The following SPINT2 variants were observed in gnomAD, a reference collection of about 807,000 sequenced individuals.
SPINT2 encodes the protein serine peptidase inhibitor, Kunitz type 2.
SPINT2 carries 18 observed loss-of-function variants against 30.1 expected under a neutral mutation model. That is an observed-to-expected ratio of 0.60 (90% CI 0.41 to 0.89). SPINT2 has a LOEUF of 0.89. Ranked by LOEUF, SPINT2 falls within the 40% of genes least tolerant of loss-of-function variation. The probability of loss-of-function intolerance (pLI) is 0.00; values close to 1 mark genes in which losing one functional copy is unlikely to be tolerated. For missense variants in SPINT2, 276 were observed against 334.3 expected (o/e 0.83, Z 1.36); for synonymous variants, 139 against 137.9 (o/e 1.01, Z -0.05).
At position 38,292,072 on chromosome 19, in the gene SPINT2, G is replaced by A; in HGVS notation, c.*66G>A. The A allele has an allele frequency of 6.3e-7, 1 of 1,583,702 alleles. No individual in the cohort carries two copies. Among genetic ancestry groups the A allele is most frequent in the Non-Finnish European group, 8.6e-7 (1 of 1,164,546 alleles). ...TATGTGTGAGCTTTTTTTAAATAGA[G>A]GGATTGACTCGGATTTGAGTGATCA... On this transcript the variant is annotated 3_prime_UTR_variant, in exon 7 of 7. Coordinates refer to ENST00000301244, the MANE Select transcript of SPINT2 (RefSeq NM_021102.4).
In SPINT2 at chr19:38,289,265, G is replaced by T. The variant is rs1968681608; in HGVS notation, c.391+74G>T. 3.8e-6 allele frequency: 5 copies of T among 1,302,038 alleles called. No individual in the cohort carries two copies. In the Admixed American group the frequency reaches 8.4e-5, roughly 22 times the overall value. The allele number at this position is 1,302,038 out of a possible 1,614,324, so 80.7% of individuals were successfully genotyped here. A position where few individuals can be genotyped will look rare whatever the true frequency, so the allele number is the denominator to read the frequency against. On this transcript the variant is annotated intron_variant, in intron 4 of 6. Coordinates refer to ENST00000301244, the MANE Select transcript of SPINT2 (RefSeq NM_021102.4). ...GCGCTTTGGGAGGCTGAGGTGGGCG[G>T]ATCACGAGGTCAGGATATCAAGACC...
rs528093571 is a variant in SPINT2 at position 38,288,242 on chromosome 19, G to C, written c.337+307G>C. Among the ~76,000 whole-genome samples, 30 of 152,148 alleles carry C rather than the reference G, an allele frequency of 2.0e-4. No individual in the cohort carries two copies. The South Asian group carries it at 6.2e-3, about 32-fold the overall frequency. ...AGGCTCAGGCCCCTCCTTGCTGTGCGGGCCTCCAGCTGCTCTGCTGACCCC... is the reference window on the plus strand; with the variant it reads ...AGGCTCAGGCCCCTCCTTGCTGTGCCGGCCTCCAGCTGCTCTGCTGACCCC... On this transcript the variant is annotated intron_variant, in intron 3 of 6. Coordinates refer to ENST00000301244, the MANE Select transcript of SPINT2 (RefSeq NM_021102.4).
intron 1 of SPINT2, among the ~76,000 whole-genome samples, chr19:38,282,011 A>G (rs2146273829): frequency 6.6e-6 from 1 of 152,270 alleles, no homozygotes; most frequent in East Asian, 1.9e-4. Context: ...TTTTCAAATG[A>G]TAGGGAATTT....
rs182160589 is a variant in SPINT2, at chr19:38,278,902, G to A, written c.107-4725G>A. Among the ~76,000 whole-genome samples the A allele has an allele frequency of 6.6e-5, 10 of 152,274 alleles. No homozygotes were observed. In the East Asian group the frequency reaches 1.9e-3, roughly 29 times the overall value. On this transcript the variant is annotated intron_variant, in intron 1 of 6. Coordinates refer to ENST00000301244, the MANE Select transcript of SPINT2 (RefSeq NM_021102.4). ...TACTATATGGCCTGTGTTTCCTGAAGGAACACTGCCTCCATTAAAACAAAT... is the reference window on the plus strand; with the variant it reads ...TACTATATGGCCTGTGTTTCCTGAAAGAACACTGCCTCCATTAAAACAAAT...
intron 1 of SPINT2, among the ~76,000 whole-genome samples, chr19:38,282,206 C>A (rs1968588587): frequency 1.3e-5 from 2 of 152,200 alleles, no homozygotes; most frequent in Admixed American, 6.5e-5. Context: ...TGGGGAGACA[C>A]AACAGAAGAT....
chr19:38,283,508 G>A, intron 1 of SPINT2, 119 bp from the exon 2 acceptor site: 3 of 1,295,596 alleles, frequency 2.3e-6, no homozygotes, highest in South Asian at 2.4e-5. Flanking sequence ...ACAGCTCACA[G>A]GGGAACTGCT....
At position 38,292,170 on chromosome 19, in the gene SPINT2, G is replaced by A. The variant is rs1600354735; in HGVS notation, c.*164G>A. The A allele has an allele frequency of 7.1e-6, 7 of 990,866 alleles. No homozygotes were observed. In the East Asian group the frequency reaches 1.9e-4, roughly 26 times the overall value. The allele number at this position is 990,866 out of a possible 1,614,324, so 61.4% of individuals were successfully genotyped here. Reference sequence around the variant, plus strand: ...GTCTGGCAGGGATGGGTTTGCTTTGGAAATCCTCTAGGAGGCTCCTCCTCG... The same window carrying A: ...GTCTGGCAGGGATGGGTTTGCTTTGAAAATCCTCTAGGAGGCTCCTCCTCG... On this transcript the variant is annotated 3_prime_UTR_variant, in exon 7 of 7. Coordinates refer to ENST00000301244, the MANE Select transcript of SPINT2 (RefSeq NM_021102.4).
chr19:38,264,790 C>T lies in SPINT2; in HGVS notation c.-103C>T. ...CCCTCCCGGAGCGTCGGCACCTGAA[C>T]GCGAGGCGCTCCATTGCGCGTGCGC... is the stretch of plus-strand genomic sequence containing the variant. On this transcript the variant is annotated 5_prime_UTR_variant, in exon 1 of 7. The change creates a new upstream start codon in the 5' untranslated region. Transcript: ENST00000301244. 3.9e-6 allele frequency: 5 copies of T among 1,278,274 alleles called. No individual in the cohort carries two copies. 79.2% of individuals were successfully genotyped at this position (1,278,274 alleles called of 1,614,324 possible). A position where few individuals can be genotyped will look rare whatever the true frequency, so the allele number is the denominator to read the frequency against.
chr19:38,284,482 G>A (rs1053673698), intron 2 of SPINT2, among the ~76,000 whole-genome samples: 1 of 152,190 alleles, frequency 6.6e-6, no homozygotes, highest in Non-Finnish European at 1.5e-5. Context: ...TCTGGGTGAC[G>A]TTTTAAAAAG....
chr19:38,276,806 A>T (rs1421824955), intron 1 of SPINT2, among the ~76,000 whole-genome samples: 3 of 151,752 alleles, frequency 2.0e-5, no homozygotes, highest in Non-Finnish European at 1.5e-5. Flanking sequence ...TTTATTTATT[A>T]ATTTATTTTT....
intron 1 of SPINT2, among the ~76,000 whole-genome samples, chr19:38,277,473 T>C (rs963334044): frequency 6.6e-6 from 1 of 152,140 alleles, no homozygotes; most frequent in Non-Finnish European, 1.5e-5. Flanking sequence ...GTGCTGGGAT[T>C]ACAGATGTGA....
Position 38,264,876 on chromosome 19 carries a change from T to G in SPINT2, c.-17T>G. The G allele has an allele frequency of 6.5e-7, 1 of 1,532,262 alleles. No homozygotes were observed. The highest frequency in any genetic ancestry group is 8.7e-7 in the Non-Finnish European group (1 of 1,144,964). The allele number at this position is 1,532,262 out of a possible 1,614,324, so 94.9% of individuals were successfully genotyped here. A position where few individuals can be genotyped will look rare whatever the true frequency, so the allele number is the denominator to read the frequency against. ...AACGGCTGGTGGCGTCGCCTGCGCGTCTCGGCTGAGCTGGCCATGGCGCAG... is the reference window on the plus strand; with the variant it reads ...AACGGCTGGTGGCGTCGCCTGCGCGGCTCGGCTGAGCTGGCCATGGCGCAG... On this transcript the variant is annotated 5_prime_UTR_variant, in exon 1 of 7. Coordinates refer to ENST00000301244, the MANE Select transcript of SPINT2 (RefSeq NM_021102.4).
chr19:38,274,225 CAA>C (rs34817794), intron 1 of SPINT2, among the ~76,000 whole-genome samples: 1 of 136,410 alleles, frequency 7.3e-6, no homozygotes, highest in African/African-American at 2.8e-5. Flanking sequence ...GTCCCTGTCT[CAA>C]AAAAAAAAAG....
chr19:38,287,910 T>C lies in SPINT2; in HGVS notation c.312T>C (p.Asn104=). 1 of 1,614,190 alleles carries C rather than the reference T, an allele frequency of 6.2e-7. No individual in the cohort carries two copies. The highest frequency in any genetic ancestry group is 8.5e-7 in the Non-Finnish European group (1 of 1,180,012). The change falls in exon 3 of 7, where the codon AAT becomes AAC. Residue 104 remains asparagine (N), a synonymous_variant. Transcript: ENST00000301244. The part of the protein sequence containing the change: ...NATGDLATSR[N]AADSSVPSAP... ...CGGGTGACCTGGCCACCAGCAGGAA[T>C]GCAGCGGATTCCTCTGTCCCAAGTG...
In SPINT2 at chr19:38,264,988, C is replaced by T; in HGVS notation, c.96C>T (p.Arg32=). ...LSGVLAADRE[R]SIHDFCLVSK... is the part of the protein sequence containing the mutation. ...GGGTCCTGGCGGCCGACCGAGAACG[C>T]AGCATCCACGGTGAGGGCCGGGCGG... Residue 32 remains arginine, a synonymous_variant, in exon 1 of 7, where the codon CGC becomes CGT. Coordinates refer to ENST00000301244, the MANE Select transcript of SPINT2 (RefSeq NM_021102.4). The T allele has an allele frequency of 1.3e-6, 2 of 1,532,660 alleles. No homozygotes were observed. The highest frequency in any genetic ancestry group is 2.5e-5 in the East Asian group (1 of 40,642). The allele number at this position is 1,532,660 out of a possible 1,614,324, so 94.9% of individuals were successfully genotyped here.
intron 1 of SPINT2, among the ~76,000 whole-genome samples, chr19:38,266,757 C>T (rs1447055576): frequency 6.6e-6 from 1 of 151,810 alleles, no homozygotes; most frequent in Non-Finnish European, 1.5e-5. Context: ...TTTCTCTGTG[C>T]CCTAGGCAGG....
intron 4 of SPINT2, chr19:38,289,678 G>A (rs920828410): frequency 4.4e-5 from 12 of 272,404 alleles, no homozygotes; most frequent in East Asian, 9.7e-5. Context: ...CGTGGATGCC[G>A]CCAGCAGTGG....
intron 4 of SPINT2, chr19:38,289,567 G>A (rs2146279289): frequency 4.4e-6 from 1 of 228,400 alleles, no homozygotes; most frequent in East Asian, 1.1e-4. Flanking sequence ...TGGGTATTGA[G>A]AGACACTTGC....
At chr19:38,286,308 C>T (rs1330558145) in intron 2 of SPINT2, among the ~76,000 whole-genome samples, 1 of 152,164 alleles carries the variant, frequency 6.6e-6, no homozygotes, top group Non-Finnish European at 1.5e-5. Flanking sequence ...CTTTAGTCCG[C>T]ATAGGCAAGT....
Sources: allele counts gnomAD v4.1 joint callset (sites outside exome capture counted in the v4.1 genomes callset), GRCh38; gene constraint gnomAD v4.1.1; transcripts MANE v1.5; gene names NCBI Gene and HGNC (gene_info 2026-07-23, HGNC 2026-07-21).